The following DOCK1 variants were observed in gnomAD, a reference collection of about 807,000 sequenced individuals.
DOCK1 encodes the protein dedicator of cytokinesis protein 1.
A neutral mutation model predicts 262.7 loss-of-function variants in DOCK1; 138 were observed. The observed-to-expected ratio is 0.53, with a 90% confidence interval of 0.46 to 0.61. DOCK1 has a LOEUF of 0.61. Among genes scored for constraint, DOCK1 ranks in the 20% least tolerant of loss-of-function variants. The pLI is 0.00. For missense variants in DOCK1, 1,908 were observed against 2,370.7 expected, an observed-to-expected ratio of 0.80 and a Z score of 4.05; for synonymous variants, 866 against 867.4, an observed-to-expected ratio of 1.00 and a Z score of 0.03.
chr10:127,085,368 T>G (rs769009703), intron 23 of DOCK1, among the ~76,000 whole-genome samples: 3 of 152,152 alleles, frequency 2.0e-5, no homozygotes, highest in Non-Finnish European at 2.9e-5. Flanking sequence ...TATGTTCTCA[T>G]CATGGCAAAG....
chr10:127,280,453 A>G (rs2060919504), intron 29 of DOCK1, among the ~76,000 whole-genome samples: 2 of 152,162 alleles, frequency 1.3e-5, no homozygotes, highest in Admixed American at 6.5e-5. Flanking sequence ...TTCACGCAGC[A>G]TCATGCTTAC....
chr10:127,270,692 C>T (rs1378859485), intron 29 of DOCK1, among the ~76,000 whole-genome samples: 1 of 152,130 alleles, frequency 6.6e-6, no homozygotes, highest in African/African-American at 2.4e-5. Flanking sequence ...CTGCCAACTT[C>T]CTTTCCAACA....
At chr10:126,948,348 GTGA>G (rs2035771141) in intron 1 of DOCK1, among the ~76,000 whole-genome samples, 2 of 56,490 alleles carry the variant, frequency 3.5e-5, no homozygotes, top group African/African-American at 7.8e-5. Flanking sequence ...ACTGTTGGTG[GTGA>G]TGGTGGTGGT....
chr10:127,107,881 C>A (rs569482215), intron 24 of DOCK1, among the ~76,000 whole-genome samples: 89 of 152,336 alleles, frequency 5.8e-4, no homozygotes, highest in Admixed American at 1.9e-3. Flanking sequence ...AGCTCCGCAC[C>A]CGCGGAGGGG....
intron 31 of DOCK1, among the ~76,000 whole-genome samples, chr10:127,350,713 T>C (rs2063841441): frequency 6.6e-6 from 1 of 152,198 alleles, no homozygotes; most frequent in African/African-American, 2.4e-5. Flanking sequence ...CTCCATATCA[T>C]AGTAATATTA....
intron 29 of DOCK1, among the ~76,000 whole-genome samples, chr10:127,328,250 T>G (rs775401920): frequency 6.6e-6 from 1 of 152,150 alleles, no homozygotes; most frequent in Non-Finnish European, 1.5e-5. Context: ...CCGGATAAAT[T>G]TTAAGCATCA....
intron 38 of DOCK1, among the ~76,000 whole-genome samples, chr10:127,398,010 G>C (rs547871191): frequency 6.6e-6 from 1 of 152,318 alleles, no homozygotes; most frequent in African/African-American, 2.4e-5. Context: ...AGGTTCCCGT[G>C]TGATGGGGCT....
Position 126,931,153 on chromosome 10 carries a change from A to G in DOCK1, c.46+25590A>G, listed in dbSNP as rs908212803. On this transcript the variant is annotated intron_variant, in intron 1 of 51. Transcript: ENST00000623213. ...ATCTCGGAAATAAGATCTGGGCAGT[A>G]TAATCCCAGAGGATGGTGGGTGGGA... 6.1e-3 allele frequency among the ~76,000 whole-genome samples: 935 copies of G among 152,272 alleles called. 38 individuals are homozygous for G. The highest frequency in any genetic ancestry group is 0.056 in the Admixed American group (851 of 15,298).
At chr10:127,091,212 T>C (rs2047511094) in intron 23 of DOCK1, among the ~76,000 whole-genome samples, 1 of 152,098 alleles carries the variant, frequency 6.6e-6, no homozygotes, top group Admixed American at 6.5e-5. Context: ...CTCGATCTCC[T>C]GACCTCGCGA....
At chr10:127,137,821 C>G in intron 27 of DOCK1, 1 of 1,605,430 alleles carries the variant, frequency 6.2e-7, no homozygotes, top group Non-Finnish European at 8.5e-7. Context: ...CCTCGAGACT[C>G]CAGACACCGT....
chr10:127,026,184 C>G, intron 15 of DOCK1, 168 bp from the exon 16 acceptor site: 1 of 650,606 alleles, frequency 1.5e-6, no homozygotes. Context: ...CAAAATTTTG[C>G]AGAGGCATTT....
At chr10:127,259,355 A>G (rs898943834) in intron 29 of DOCK1, among the ~76,000 whole-genome samples, 1 of 152,192 alleles carries the variant, frequency 6.6e-6, no homozygotes, top group Non-Finnish European at 1.5e-5. Context: ...AACTTTTGTG[A>G]TTGACAGTCT....
chr10:127,299,253 C>T (rs1390336621), intron 29 of DOCK1, among the ~76,000 whole-genome samples: 1 of 152,130 alleles, frequency 6.6e-6, no homozygotes, highest in Admixed American at 6.5e-5. Flanking sequence ...CATGCGCCAC[C>T]ACACCTGGCT....
chr10:126,948,441 T>A (rs1279488773), intron 1 of DOCK1, among the ~76,000 whole-genome samples: 1 of 148,618 alleles, frequency 6.7e-6, no homozygotes, highest in African/African-American at 2.4e-5. Flanking sequence ...GTGGTAATAC[T>A]GCTGGTGGTG....
intron 27 of DOCK1, among the ~76,000 whole-genome samples, chr10:127,155,885 G>T (rs528256005): frequency 1.3e-5 from 2 of 152,166 alleles, no homozygotes; most frequent in African/African-American, 4.8e-5. Context: ...CACGGTCCAC[G>T]CTGAATGTGT....
chr10:127,301,052 G>A (rs2061662279), intron 29 of DOCK1, among the ~76,000 whole-genome samples: 3 of 152,190 alleles, frequency 2.0e-5, no homozygotes. Flanking sequence ...TGGGGAAGAG[G>A]AGTCAGTGTT....
intron 27 of DOCK1, among the ~76,000 whole-genome samples, chr10:127,204,902 A>G (rs1751512271): frequency 6.6e-6 from 1 of 152,140 alleles, no homozygotes; most frequent in East Asian, 1.9e-4. Context: ...ACCCGCCTCC[A>G]GATCAGTCAC....
At chr10:127,018,376 G>A (rs1411516313) in intron 12 of DOCK1, among the ~76,000 whole-genome samples, 1 of 152,172 alleles carries the variant, frequency 6.6e-6, no homozygotes, top group Non-Finnish European at 1.5e-5. Flanking sequence ...GAAAAAGGTG[G>A]CCTGCTGATT....
chr10:127,396,521 G>A (rs1236390027), intron 38 of DOCK1, among the ~76,000 whole-genome samples: 1 of 152,106 alleles, frequency 6.6e-6, no homozygotes, highest in Non-Finnish European at 1.5e-5. Context: ...GTAAAGGATG[G>A]TCTGCACTTG....
Sources: gnomAD v4.1 joint callset for allele counts (sites outside exome capture counted in the v4.1 genomes callset) on GRCh38, gnomAD v4.1.1 for gene constraint, MANE v1.5 for transcripts, NCBI Gene and HGNC (gene_info 2026-07-23, HGNC 2026-07-21) for gene names.